NEK10: variants seen among roughly 807,000 people sequenced by gnomAD.
NEK10 encodes the protein NIMA related kinase 10.
A neutral mutation model predicts 159.8 loss-of-function variants in NEK10; 122 were observed. The observed-to-expected ratio is 0.76, with a 90% confidence interval of 0.66 to 0.89. The LOEUF (loss-of-function observed/expected upper bound fraction) is 0.89. Ranked by LOEUF, NEK10 falls within the 40% of genes least tolerant of loss-of-function variation. NEK10 has a pLI of 0.00. For missense variants in NEK10, 1,342 were observed against 1,323.1 expected, an observed-to-expected ratio of 1.01 and a Z score of -0.22; for synonymous variants, 466 against 457.1, an observed-to-expected ratio of 1.02 and a Z score of -0.25.
At chr3:27,339,441 T>G (rs914769725) in intron 5 of NEK10, among the ~76,000 whole-genome samples, 27 of 152,046 alleles carry the variant, frequency 1.8e-4, no homozygotes, top group African/African-American at 6.5e-4. Flanking sequence ...AACAAACATA[T>G]GAAAAGGAGC....
chr3:27,341,870 C>T (rs574205805), intron 5 of NEK10, among the ~76,000 whole-genome samples: 9 of 152,162 alleles, frequency 5.9e-5, no homozygotes, highest in African/African-American at 2.2e-4. Flanking sequence ...ACTAAATTCC[C>T]AATAAGTCAT....
chr3:27,270,404 T>C (rs895894402), intron 22 of NEK10, among the ~76,000 whole-genome samples: 7 of 152,114 alleles, frequency 4.6e-5, no homozygotes, highest in African/African-American at 1.7e-4. Context: ...AGATGATGCA[T>C]CCCTGGCTGA....
chr3:27,160,862 T>C (rs1469413729), intron 30 of NEK10, among the ~76,000 whole-genome samples: 2 of 152,132 alleles, frequency 1.3e-5, no homozygotes, highest in Non-Finnish European at 2.9e-5. Context: ...GCTGAGATCA[T>C]ACCACTGCAC....
Position 27,223,264 on chromosome 3 carries a change from G to A in NEK10, c.2091-20707C>T, listed in dbSNP as rs533255820. ...TCTTTCCTGTCTGGAAACAAGGATCGTCAAGTCTCCTGATTTCTAACCACA... is the reference window on the plus strand; with the variant it reads ...TCTTTCCTGTCTGGAAACAAGGATCATCAAGTCTCCTGATTTCTAACCACA... On this transcript the variant is annotated intron_variant, in intron 23 of 35. Coordinates refer to ENST00000691995, the MANE Select transcript of NEK10 (RefSeq NM_001394966.1). Among the ~76,000 whole-genome samples, 6 of 152,182 alleles carry A rather than the reference G, an allele frequency of 3.9e-5. No homozygotes were observed. The South Asian group carries it at 8.3e-4, about 21-fold the overall frequency.
intron 13 of NEK10, among the ~76,000 whole-genome samples, chr3:27,299,731 G>T (rs1349075960): frequency 6.6e-6 from 1 of 152,220 alleles, no homozygotes; most frequent in Non-Finnish European, 1.5e-5. Flanking sequence ...TAGCATCAGC[G>T]TGACCCAGAT....
chr3:27,255,481 T>C (rs1025310853), intron 23 of NEK10, among the ~76,000 whole-genome samples: 3 of 145,406 alleles, frequency 2.1e-5, no homozygotes, highest in Non-Finnish European at 3.0e-5. Context: ...CAGGACTCAA[T>C]TGTACAACTA....
chr3:27,334,617 C>T (rs957962729), intron 5 of NEK10, among the ~76,000 whole-genome samples: 2 of 152,214 alleles, frequency 1.3e-5, no homozygotes, highest in Admixed American at 1.3e-4. Context: ...GGGGAAATCT[C>T]AGATATCACT....
At chr3:27,357,485 C>T (rs1175872448) in intron 1 of NEK10, among the ~76,000 whole-genome samples, 2 of 152,076 alleles carry the variant, frequency 1.3e-5, no homozygotes, top group East Asian at 1.9e-4. Flanking sequence ...AAATACTCAT[C>T]GCTGTGCTTC....
intron 32 of NEK10, 26 bp from the exon 33 acceptor site, chr3:27,119,894 T>C (rs138035745): frequency 1.3e-6 from 2 of 1,555,204 alleles, no homozygotes; most frequent in Non-Finnish European, 8.9e-7. Context: ...CAAAATCACA[T>C]CTTAGTTTAC....
chr3:27,238,930 T>A (rs1293196562), intron 23 of NEK10, among the ~76,000 whole-genome samples: 2 of 152,068 alleles, frequency 1.3e-5, no homozygotes, highest in African/African-American at 2.4e-5. Flanking sequence ...TCCCATTGGT[T>A]ACTTGGTTAT....
chr3:27,172,877 T>C (rs543223505), intron 28 of NEK10, among the ~76,000 whole-genome samples: 2 of 152,336 alleles, frequency 1.3e-5, no homozygotes, highest in African/African-American at 4.8e-5. Flanking sequence ...AACTTATCTC[T>C]GTAAATGGTA....
At chr3:27,231,770 A>G (rs1437853494) in intron 23 of NEK10, among the ~76,000 whole-genome samples, 1 of 151,914 alleles carries the variant, frequency 6.6e-6, no homozygotes, top group Non-Finnish European at 1.5e-5. Flanking sequence ...TCTTGGAAAC[A>G]TACAACTCTC....
intron 26 of NEK10, among the ~76,000 whole-genome samples, chr3:27,191,467 T>A (rs1395911374): frequency 6.6e-6 from 1 of 152,236 alleles, no homozygotes; most frequent in Non-Finnish European, 1.5e-5. Context: ...CATGTGGATA[T>A]TTGTAGCTTT....
chr3:27,328,284 C>T (rs1422186518), intron 5 of NEK10, among the ~76,000 whole-genome samples: 1 of 152,134 alleles, frequency 6.6e-6, no homozygotes, highest in East Asian at 1.9e-4. Flanking sequence ...ACTCATGGAG[C>T]TTACATTCTG....
intron 23 of NEK10, among the ~76,000 whole-genome samples, chr3:27,204,316 T>TTTTTTTTTTTTTTTTTA (rs1950326030): frequency 9.5e-6 from 1 of 105,758 alleles, no homozygotes; most frequent in Non-Finnish European, 2.1e-5. Flanking sequence ...TTTTTTTTTT[T>TTTTTTTTTTTTTTTTTA]TTTTTATTAT....
At chr3:27,278,872 T>C in intron 22 of NEK10, 1 of 984,314 alleles carries the variant, frequency 1.0e-6, no homozygotes, top group Non-Finnish European at 1.2e-6. Flanking sequence ...CAAGTGACAG[T>C]ATTTAGGGCA....
intron 9 of NEK10, chr3:27,309,848 G>C (rs538890120): frequency 2.0e-4 from 30 of 152,280 alleles, no homozygotes; most frequent in African/African-American, 7.0e-4. Flanking sequence ...ATTTCTAATT[G>C]ATGTTGAAAG....
rs373426515 is a variant in NEK10, at chr3:27,288,420, GA to G, written c.1744-678del. Among the ~76,000 whole-genome samples, 140 of 152,128 alleles carry G rather than the reference GA, an allele frequency of 9.2e-4. 4 individuals carry two copies. In the South Asian group the frequency reaches 0.028, roughly 31 times the overall value. On this transcript the variant is annotated intron_variant, in intron 19 of 35. Transcript: ENST00000691995. ...GTTTATGGAAAAATTTCCCACCCTTGACATCCAATTAAGTTTCTCATCCACT... is the reference window on the plus strand; with the variant it reads ...GTTTATGGAAAAATTTCCCACCCTTGCATCCAATTAAGTTTCTCATCCACT...
At chr3:27,234,397 G>C (rs73038761) in intron 23 of NEK10, among the ~76,000 whole-genome samples, 6,410 of 151,920 alleles carry the variant, frequency 0.042, 208 homozygotes, top group Middle Eastern at 0.075. Context: ...TCTTAAGCTG[G>C]TGATCAACTT....
Sources: gnomAD v4.1 joint callset for allele counts (sites outside exome capture counted in the v4.1 genomes callset) on GRCh38, gnomAD v4.1.1 for gene constraint, MANE v1.5 for transcripts, NCBI Gene and HGNC (gene_info 2026-07-23, HGNC 2026-07-21) for gene names.